Variants in PLSCR2 observed in about 807,000 individuals in gnomAD.
PLSCR2 encodes the protein phospholipid scramblase 2.
In PLSCR2, 18 loss-of-function variants were observed where a neutral mutation model predicts 25.3. That is an observed-to-expected ratio of 0.71 (90% confidence interval 0.49 to 1.06). PLSCR2 has a LOEUF of 1.06. Among genes scored for constraint, PLSCR2 ranks in the 50% least tolerant of loss-of-function variants. The probability of loss-of-function intolerance (pLI) is 0.00; values close to 1 mark genes in which losing one functional copy is unlikely to be tolerated. For synonymous variants in PLSCR2, 88 were observed against 87.3 expected (o/e 1.01, Z -0.04); for missense variants, 243 against 269.5 (o/e 0.90, Z 0.69).
chr3:146,460,028 C>T (rs6806535), exon 2 of PLSCR2: 847,888 of 1,595,986 alleles, frequency 0.53, 229,162 homozygotes, highest in South Asian at 0.69. Context: ...GGTGGTCAGC[C>T]TGTTTCCCAG....
chr3:146,405,420 G>A (rs935717579), intron 2 of PLSCR2, among the ~76,000 whole-genome samples: 3 of 152,094 alleles, frequency 2.0e-5, no homozygotes, highest in African/African-American at 7.2e-5. Context: ...TGAGGAAGGG[G>A]CTGCCAGTGA....
intron 1 of PLSCR2, chr3:146,469,531 G>A (rs1249228188): frequency 9.1e-6 from 9 of 985,318 alleles, no homozygotes; most frequent in Non-Finnish European, 1.1e-5. Flanking sequence ...CCCTGAGCGA[G>A]CCGAGGTCCT....
intron 2 of PLSCR2, among the ~76,000 whole-genome samples, chr3:146,401,020 G>A (rs2038454142): frequency 1.3e-5 from 2 of 151,900 alleles, no homozygotes; most frequent in South Asian, 4.1e-4. Context: ...CAAAATGGAA[G>A]TAGATTTAAA....
chr3:146,465,920 TAAAGC>T (rs1258608549), intron 1 of PLSCR2, among the ~76,000 whole-genome samples: 1 of 152,184 alleles, frequency 6.6e-6, no homozygotes, highest in Admixed American at 6.5e-5. Context: ...TCAGTCAAAG[TAAAGC>T]AGAGCAAGCA....
Position 146,416,131 on chromosome 3 carries a change from T to C in PLSCR2, c.101-20210A>G, listed in dbSNP as rs560175008. ...ACGCCTGGCTAATTTTTTGTATTTT[T>C]AGTAGAGACGGGGTTTCACCGTGTT... On this transcript the variant is annotated intron_variant and NMD_transcript_variant, in intron 2 of 3. Coordinates refer to the PLSCR2 transcript ENST00000463633. Among the ~76,000 whole-genome samples the C allele has an allele frequency of 5.9e-5, 9 of 152,038 alleles. No homozygotes were observed. In the South Asian group the frequency reaches 8.3e-4, roughly 14 times the overall value.
chr3:146,445,774 A>T (rs185576370), intron 6 of PLSCR2, among the ~76,000 whole-genome samples: 1 of 152,226 alleles, frequency 6.6e-6, no homozygotes, highest in African/African-American at 2.4e-5. Flanking sequence ...TAGGACAAAT[A>T]ACTCTTAGAT....
In PLSCR2 at chr3:146,459,947, A is replaced by C. The variant is rs1408378287; in HGVS notation, c.-43T>G. 6.2e-7 allele frequency: 1 copy of C among 1,614,098 alleles called. No homozygotes were observed. Among genetic ancestry groups the C allele is most frequent in the East Asian group, 2.2e-5 (1 of 44,874 alleles). On this transcript the variant is annotated 5_prime_UTR_variant, in exon 2 of 7. In the 5' UTR this introduces an upstream ATG that the reference lacks. Coordinates refer to ENST00000610787, the Ensembl canonical transcript of PLSCR2. ...GTCTACCTGGCTGATTTTGAACAGG[A>C]ATGCCAGCTGTGCCAGCAGGTGGGA...
At chr3:146,493,869 T>C (rs1319670799) in intron 1 of PLSCR2, among the ~76,000 whole-genome samples, 1 of 139,062 alleles carries the variant, frequency 7.2e-6, no homozygotes, top group Non-Finnish European at 1.6e-5. Context: ...ATTCATTCCA[T>C]AGACATTATG....
intron 1 of PLSCR2, among the ~76,000 whole-genome samples, chr3:146,470,247 G>A (rs891597181): frequency 6.6e-6 from 1 of 152,040 alleles, no homozygotes; most frequent in African/African-American, 2.4e-5. Flanking sequence ...ATATTGCACT[G>A]ACGTTTCTAC....
At chr3:146,459,308 C>T (rs914370985) in intron 2 of PLSCR2, among the ~76,000 whole-genome samples, 1 of 152,282 alleles carries the variant, frequency 6.6e-6, no homozygotes, top group African/African-American at 2.4e-5. Context: ...TACTAAAACT[C>T]AACTCTAAAC....
chr3:146,462,082 T>C (rs1256535999), upstream of PLSCR2: 6 of 512,780 alleles, frequency 1.2e-5, no homozygotes, highest in Non-Finnish European at 1.7e-5. Context: ...AGAGACCTGA[T>C]ATTAATATGC....
chr3:146,460,117 G>A, intron 1 of PLSCR2, 34 bp from the exon 2 acceptor site: 1 of 1,437,400 alleles, frequency 7.0e-7, no homozygotes, highest in Non-Finnish European at 9.3e-7. Flanking sequence ...ATTTGTAGCT[G>A]CCCAGAAAAG....
At chr3:146,467,502 C>T (rs1344518168) in intron 1 of PLSCR2, among the ~76,000 whole-genome samples, 1 of 151,796 alleles carries the variant, frequency 6.6e-6, no homozygotes, top group Non-Finnish European at 1.5e-5. Context: ...GAATCTTAAC[C>T]AAAGGCATAG....
exon 4 of PLSCR2, chr3:146,455,361 T>C: frequency 6.2e-7 from 1 of 1,613,676 alleles, no homozygotes; most frequent in Non-Finnish European, 8.5e-7. Context: ...CCACAGCAAT[T>C]TCGGATACAG....
At chr3:146,394,771 T>TTA (rs1352266090) in intron 3 of PLSCR2, among the ~76,000 whole-genome samples, 6 of 152,234 alleles carry the variant, frequency 3.9e-5, no homozygotes, top group African/African-American at 1.4e-4. Flanking sequence ...TTAACTTGAA[T>TTA]TATAATCCCT....
At chr3:146,452,273 TA>T (rs1006252159) in intron 5 of PLSCR2, among the ~76,000 whole-genome samples, 2 of 150,724 alleles carry the variant, frequency 1.3e-5, no homozygotes, top group Admixed American at 6.6e-5. Flanking sequence ...GAAGTATGAG[TA>T]AAAAAAAAGA....
At chr3:146,479,312 G>A (rs2043045504) in intron 1 of PLSCR2, among the ~76,000 whole-genome samples, 4 of 152,186 alleles carry the variant, frequency 2.6e-5, no homozygotes. Flanking sequence ...TGGATAAAGA[G>A]TCAAGACCCA....
intron 2 of PLSCR2, 116 bp downstream of exon 2, chr3:146,459,732 T>A: frequency 1.4e-6 from 1 of 721,180 alleles, no homozygotes; most frequent in Non-Finnish European, 2.3e-6. Flanking sequence ...ATTTCTGACT[T>A]TAATTAATTA....
At chr3:146,423,791 T>G (rs1270374675) in intron 2 of PLSCR2, among the ~76,000 whole-genome samples, 1 of 152,022 alleles carries the variant, frequency 6.6e-6, no homozygotes, top group Non-Finnish European at 1.5e-5. Context: ...GTTTTAAAGA[T>G]GGAAGGAGGC....
Sources: gnomAD v4.1 joint callset for allele counts (sites outside exome capture counted in the v4.1 genomes callset) on GRCh38, gnomAD v4.1.1 for gene constraint, MANE v1.5 for transcripts, NCBI Gene and HGNC (gene_info 2026-07-23, HGNC 2026-07-21) for gene names.